The following ATRNL1 variants were observed in gnomAD, a reference collection of about 807,000 sequenced individuals.
ATRNL1 encodes the protein attractin like 1, also known as attractin-like protein 1.
A neutral mutation model predicts 182.7 loss-of-function variants in ATRNL1; 95 were observed. That is an observed-to-expected ratio of 0.52 (90% confidence interval 0.44 to 0.62). The LOEUF is 0.62. ATRNL1 is among the 20% of genes least tolerant of loss of function. ATRNL1 has a pLI of 0.00. For missense variants in ATRNL1, 1,471 were observed against 1,679.5 expected (o/e 0.88, Z 2.17); for synonymous variants, 576 against 568.3 (o/e 1.01, Z -0.19).
In ATRNL1 at chr10:115,093,694, C is replaced by T; in HGVS notation, c.-57C>T. On this transcript the variant is annotated 5_prime_UTR_variant, in exon 1 of 29. Transcript: ENST00000355044. This position sits in a 1 kb window ranked among gnomAD's most constrained non-coding sequence, Gnocchi z 6.1. ...TTTCTGCGGCCGGAATTCCCTTCAA[C>T]AGCATCCCTGTCGGCGCCCGCGAGC... The T allele has an allele frequency of 7.0e-7, 1 of 1,422,236 alleles. No individual in the cohort carries two copies. Among genetic ancestry groups the T allele is most frequent in the East Asian group, 2.9e-5 (1 of 34,104 alleles). The allele number at this position is 1,422,236 out of a possible 1,614,324, so 88.1% of individuals were successfully genotyped here. A position where few individuals can be genotyped will look rare whatever the true frequency, so the allele number is the denominator to read the frequency against.
At chr10:115,807,135 T>C (rs1949939052) in intron 27 of ATRNL1, among the ~76,000 whole-genome samples, 1 of 150,030 alleles carries the variant, frequency 6.7e-6, no homozygotes, top group Non-Finnish European at 1.5e-5. Flanking sequence ...TGAGATGGAG[T>C]CTCGCTCTGT....
chr10:115,096,738 C>T, intron 1 of ATRNL1: 1 of 1,284,292 alleles, frequency 7.8e-7, no homozygotes. Context: ...AATATAGTAT[C>T]AAAAGTGGTA....
intron 6 of ATRNL1, 69 bp downstream of exon 6, chr10:115,160,283 T>C (rs116249083): frequency 2.1e-6 from 3 of 1,421,000 alleles, no homozygotes; most frequent in African/African-American, 1.4e-5. Context: ...CTTTTTTTTT[T>C]AATTGTTGTC....
chr10:115,651,036 C>A (rs1293866566), intron 26 of ATRNL1, among the ~76,000 whole-genome samples: 2 of 152,076 alleles, frequency 1.3e-5, no homozygotes, highest in African/African-American at 4.8e-5. Flanking sequence ...TAGTTCTAGG[C>A]AGAATGAGAG....
chr10:115,227,210 C>G (rs1849737239), intron 9 of ATRNL1, among the ~76,000 whole-genome samples: 1 of 151,970 alleles, frequency 6.6e-6, no homozygotes, highest in South Asian at 2.1e-4. Context: ...CTGTAGAGAA[C>G]TTAAGTCCAC....
intron 10 of ATRNL1, among the ~76,000 whole-genome samples, chr10:115,249,844 T>C (rs1220345347): frequency 2.0e-5 from 3 of 152,206 alleles, no homozygotes; most frequent in African/African-American, 7.2e-5. Context: ...ATAACCTAAG[T>C]GCTCCAGAAA....
chr10:115,495,997 G>A (rs1008768605), intron 24 of ATRNL1, among the ~76,000 whole-genome samples: 26 of 152,104 alleles, frequency 1.7e-4, no homozygotes, highest in Non-Finnish European at 8.8e-5. Flanking sequence ...TATGAATTGG[G>A]TATTTTTGTG....
At chr10:115,486,198 A>C (rs1238163524) in intron 24 of ATRNL1, among the ~76,000 whole-genome samples, 2 of 152,170 alleles carry the variant, frequency 1.3e-5, no homozygotes, top group Admixed American at 6.5e-5. Context: ...CAGTGCCGCA[A>C]TAAACATCTG....
At chr10:115,488,673 C>G (rs1465406840) in intron 24 of ATRNL1, among the ~76,000 whole-genome samples, 2 of 152,084 alleles carry the variant, frequency 1.3e-5, no homozygotes, top group African/African-American at 4.8e-5. Context: ...TTCAAAAAAC[C>G]AGCTCCTGGA....
intron 10 of ATRNL1, among the ~76,000 whole-genome samples, chr10:115,259,872 T>C (rs1851323615): frequency 6.6e-6 from 1 of 152,200 alleles, no homozygotes; most frequent in Admixed American, 6.5e-5. Flanking sequence ...TTGCATTACA[T>C]TGATACATTC....
chr10:115,826,533 C>G (rs1358667541), intron 27 of ATRNL1, among the ~76,000 whole-genome samples: 12 of 152,164 alleles, frequency 7.9e-5, no homozygotes, highest in Admixed American at 7.2e-4. Flanking sequence ...CTCTCACCTC[C>G]TGCAGCTGGT....
chr10:115,410,030 T>C (rs1345329244), intron 20 of ATRNL1, among the ~76,000 whole-genome samples: 1 of 152,200 alleles, frequency 6.6e-6, no homozygotes, highest in African/African-American at 2.4e-5. Flanking sequence ...GTCACATTTA[T>C]TGATTTGCAT....
intron 5 of ATRNL1, among the ~76,000 whole-genome samples, chr10:115,150,096 T>C (rs541776404): frequency 5.3e-5 from 8 of 152,196 alleles, no homozygotes; most frequent in Admixed American, 4.6e-4. Context: ...TCTAGGAATT[T>C]GTGGATTTTC....
intron 24 of ATRNL1, among the ~76,000 whole-genome samples, chr10:115,499,622 A>G: frequency 6.6e-6 from 1 of 152,220 alleles, no homozygotes; most frequent in African/African-American, 2.4e-5. Flanking sequence ...GAAAGGCAGG[A>G]CAGCTGGAAG....
At chr10:115,476,429 C>T (rs1401515223) in intron 24 of ATRNL1, among the ~76,000 whole-genome samples, 2 of 151,212 alleles carry the variant, frequency 1.3e-5, no homozygotes, top group Non-Finnish European at 3.0e-5. Flanking sequence ...TATTCAATGT[C>T]TGAGATTATT....
intron 28 of ATRNL1, among the ~76,000 whole-genome samples, chr10:115,918,748 G>C (rs1952955761): frequency 6.6e-6 from 1 of 152,142 alleles, no homozygotes; most frequent in African/African-American, 2.4e-5. Context: ...AAGTTCAGAA[G>C]GAGAGAAATT....
intron 8 of ATRNL1, among the ~76,000 whole-genome samples, chr10:115,202,302 C>G (rs1462062732): frequency 6.7e-6 from 1 of 150,346 alleles, no homozygotes; most frequent in Non-Finnish European, 1.5e-5. Context: ...GCATCCCTGT[C>G]TTGTGCCAGT....
intron 25 of ATRNL1, among the ~76,000 whole-genome samples, chr10:115,532,722 T>G (rs1443510141): frequency 4.6e-5 from 7 of 151,076 alleles, no homozygotes; most frequent in Admixed American, 6.6e-5. Context: ...AAGGGAATGC[T>G]TCCAGTTTTT....
intron 19 of ATRNL1, among the ~76,000 whole-genome samples, chr10:115,355,398 ACT>A (rs1444749337): frequency 1.3e-5 from 2 of 152,126 alleles, no homozygotes; most frequent in African/African-American, 2.4e-5. Context: ...ACTCTTGCAG[ACT>A]CTAGGTACAT....
Sources: allele counts gnomAD v4.1 joint callset (sites outside exome capture counted in the v4.1 genomes callset), GRCh38; gene constraint gnomAD v4.1.1; non-coding constraint Gnocchi (gnomAD v3.1); transcripts MANE v1.5; gene names NCBI Gene and HGNC (gene_info 2026-07-23, HGNC 2026-07-21).